Variants in GAS2 observed in about 807,000 individuals in gnomAD.
GAS2 encodes growth arrest-specific protein 2.
In GAS2, 20 loss-of-function variants were observed where a neutral mutation model predicts 37.5. The ratio of observed to expected loss-of-function variants is 0.53; its 90% CI spans 0.37 to 0.77. The LOEUF (loss-of-function observed/expected upper bound fraction) is 0.77, where lower values mean the gene tolerates loss of function less well. Ranked by LOEUF, GAS2 falls within the 30% of genes least tolerant of loss-of-function variation. The pLI, the probability that GAS2 is intolerant of heterozygous loss-of-function variation, is 0.00. For missense variants in GAS2, 336 were observed against 373.4 expected (o/e 0.90, Z 0.82); for synonymous variants, 144 against 132.2 (o/e 1.09, Z -0.61).
intron 3 of GAS2, among the ~76,000 whole-genome samples, chr11:22,702,982 T>G (rs924358544): frequency 6.6e-6 from 1 of 152,150 alleles, no homozygotes; most frequent in African/African-American, 2.4e-5. Flanking sequence ...TGTTTGGTAG[T>G]GTAAATAACA....
upstream of GAS2, among the ~76,000 whole-genome samples, chr11:22,666,076 C>CA (rs1848980019): frequency 2.6e-5 from 4 of 152,258 alleles, no homozygotes; most frequent in South Asian, 4.1e-4. Flanking sequence ...ACTTGAACAT[C>CA]TGTCCACTTC....
intron 2 of GAS2, among the ~76,000 whole-genome samples, chr11:22,679,910 A>G (rs439540): frequency 0.37 from 55,961 of 151,994 alleles, 11,314 homozygotes; most frequent in African/African-American, 0.55. Context: ...ATGTCATGGT[A>G]ATTTTCCCTT....
intron 1 of GAS2, among the ~76,000 whole-genome samples, chr11:22,628,917 A>T (rs1372690299): frequency 2.0e-5 from 3 of 152,216 alleles, no homozygotes; most frequent in African/African-American, 4.8e-5. Context: ...TACTTCACTT[A>T]GAATAATGGC....
chr11:22,641,399 CA>C (rs1166086255), intron 1 of GAS2, among the ~76,000 whole-genome samples: 1 of 148,802 alleles, frequency 6.7e-6, no homozygotes, highest in African/African-American at 2.5e-5. Flanking sequence ...GCACAATGTG[CA>C]GGTTTGTTAC....
chr11:22,787,494 A>G (rs1855872393), intron 7 of GAS2, among the ~76,000 whole-genome samples: 1 of 144,030 alleles, frequency 6.9e-6, no homozygotes, highest in Non-Finnish European at 1.6e-5. Context: ...ATGTGTGTAT[A>G]CATACACACA....
At chr11:22,747,420 T>A in intron 5 of GAS2, among the ~76,000 whole-genome samples, 1 of 152,250 alleles carries the variant, frequency 6.6e-6, no homozygotes, top group Admixed American at 6.5e-5. Flanking sequence ...GCAAGTGATA[T>A]CTATGTAAGT....
intron 1 of GAS2, among the ~76,000 whole-genome samples, chr11:22,671,246 G>A (rs918351628): frequency 1.3e-5 from 2 of 151,956 alleles, no homozygotes; most frequent in African/African-American, 4.8e-5. Flanking sequence ...GTCTTTGAAG[G>A]ATTTAGTATT....
chr11:22,652,584 G>A lies in GAS2; in HGVS notation c.-20-22266G>A, dbSNP rs890239638. Among the ~76,000 whole-genome samples, 5 of 152,336 alleles carry A rather than the reference G, an allele frequency of 3.3e-5. 1 individual carries two copies. Among genetic ancestry groups the A allele is most frequent in the South Asian group, 4.1e-4 (2 of 4,822 alleles). On this transcript the variant is annotated intron_variant, in intron 1 of 5. Transcript: ENST00000528582. ...TAGCAATCAGCGAGACTCCGTGGGCGTAGGACCCTCCGAGCCAGGTGGGGG... is the reference window on the plus strand; with the variant it reads ...TAGCAATCAGCGAGACTCCGTGGGCATAGGACCCTCCGAGCCAGGTGGGGG...
chr11:22,763,751 G>A (rs1854527009), intron 7 of GAS2, among the ~76,000 whole-genome samples: 1 of 151,994 alleles, frequency 6.6e-6, no homozygotes, highest in Non-Finnish European at 1.5e-5. Flanking sequence ...AAATATGGCC[G>A]TGTTTGCTTC....
intron 1 of GAS2, among the ~76,000 whole-genome samples, chr11:22,642,875 A>G (rs1450405353): frequency 6.6e-6 from 1 of 152,166 alleles, no homozygotes; most frequent in Non-Finnish European, 1.5e-5. Flanking sequence ...GTTCAAACTC[A>G]GGAAGGAAAA....
intron 1 of GAS2, among the ~76,000 whole-genome samples, chr11:22,647,991 C>A (rs1313634909): frequency 1.3e-5 from 2 of 152,102 alleles, no homozygotes; most frequent in East Asian, 3.8e-4. Flanking sequence ...GACATGAAGT[C>A]CTTGCCCATA....
At chr11:22,708,628 T>C (rs1237125051) in intron 3 of GAS2, among the ~76,000 whole-genome samples, 1 of 152,170 alleles carries the variant, frequency 6.6e-6, no homozygotes, top group African/African-American at 2.4e-5. Context: ...ATATGGAATA[T>C]ATGCCTCGGC....
chr11:22,751,273 A>G (rs1215705204), intron 6 of GAS2, among the ~76,000 whole-genome samples: 1 of 151,840 alleles, frequency 6.6e-6, no homozygotes, highest in Non-Finnish European at 1.5e-5. Flanking sequence ...CACCTGTTAC[A>G]CTACTTTTAA....
At chr11:22,730,545 C>G (rs1852421572) in intron 4 of GAS2, among the ~76,000 whole-genome samples, 1 of 151,672 alleles carries the variant, frequency 6.6e-6, no homozygotes, top group Admixed American at 6.6e-5. Context: ...ACCATGTTGA[C>G]GTATAAGTGA....
At chr11:22,720,373 A>G (rs1258613610) in intron 3 of GAS2, among the ~76,000 whole-genome samples, 1 of 152,012 alleles carries the variant, frequency 6.6e-6, no homozygotes, top group Non-Finnish European at 1.5e-5. Flanking sequence ...CAGAGTCCCC[A>G]GGAGAGGGTT....
At chr11:22,732,814 C>CAT (rs1852549731) in intron 4 of GAS2, among the ~76,000 whole-genome samples, 1 of 124,642 alleles carries the variant, frequency 8.0e-6, no homozygotes, top group Non-Finnish European at 1.8e-5. Flanking sequence ...ATCATCATCA[C>CAT]CACCACCATT....
intron 4 of GAS2, among the ~76,000 whole-genome samples, chr11:22,729,566 T>C (rs1852377918): frequency 6.6e-6 from 1 of 151,880 alleles, no homozygotes; most frequent in South Asian, 2.1e-4. Flanking sequence ...TGTCAGTTCT[T>C]AGATCATGTG....
At chr11:22,752,717 G>A (rs1853811736) in intron 6 of GAS2, among the ~76,000 whole-genome samples, 1 of 151,984 alleles carries the variant, frequency 6.6e-6, no homozygotes, top group African/African-American at 2.4e-5. Context: ...AGAAAAAAGA[G>A]AGAAAGCAAA....
chr11:22,684,866 C>A (rs395810), intron 2 of GAS2, among the ~76,000 whole-genome samples: 56,018 of 152,094 alleles, frequency 0.37, 11,326 homozygotes, highest in African/African-American at 0.55. Flanking sequence ...TACTGTGCCC[C>A]GCCTACCTGT....
Sources: gnomAD v4.1 joint callset for allele counts (sites outside exome capture counted in the v4.1 genomes callset) on GRCh38, gnomAD v4.1.1 for gene constraint, MANE v1.5 for transcripts, NCBI Gene and HGNC (gene_info 2026-07-23, HGNC 2026-07-21) for gene names.